The following PTPRN2 variants were observed in gnomAD, a reference collection of about 807,000 sequenced individuals.
PTPRN2 encodes the protein protein tyrosine phosphatase receptor type N2.
Under a neutral mutation model 118.8 loss-of-function variants are expected in PTPRN2, and 74 were observed. That is an observed-to-expected ratio of 0.62 (90% CI 0.52 to 0.76). The LOEUF is 0.76. Ranked by LOEUF, PTPRN2 falls within the 30% of genes least tolerant of loss-of-function variation. The pLI, the probability that PTPRN2 is intolerant of heterozygous loss-of-function variation, is 0.00. For missense variants in PTPRN2, 1,481 were observed against 1,394.4 expected, an observed-to-expected ratio of 1.06 and a Z score of -0.99; for synonymous variants, 641 against 608.0, an observed-to-expected ratio of 1.05 and a Z score of -0.80.
chr7:158,104,600 C>G (rs959156895), intron 10 of PTPRN2, among the ~76,000 whole-genome samples: 2 of 152,078 alleles, frequency 1.3e-5, no homozygotes, highest in Non-Finnish European at 2.9e-5. Context: ...TGAGGAAGAG[C>G]CAACAACCAC....
chr7:158,564,689 C>G (rs1010767094), intron 1 of PTPRN2, among the ~76,000 whole-genome samples: 1 of 152,376 alleles, frequency 6.6e-6, no homozygotes, highest in South Asian at 2.1e-4. Context: ...CATCTAGACC[C>G]TTTCCCTCAG....
intron 4 of PTPRN2, among the ~76,000 whole-genome samples, chr7:158,196,299 C>T (rs935126020): frequency 6.6e-6 from 1 of 152,142 alleles, no homozygotes; most frequent in African/African-American, 2.4e-5. Flanking sequence ...CCTTGGTTTC[C>T]CCAGACCTTC....
At chr7:157,857,098 A>G (rs1294883758) in intron 12 of PTPRN2, among the ~76,000 whole-genome samples, 1 of 143,230 alleles carries the variant, frequency 7.0e-6, no homozygotes, top group East Asian at 2.3e-4. Context: ...GGGCATGGCC[A>G]TCGGCATTGC....
chr7:157,837,334 C>A (rs1377537001), intron 12 of PTPRN2, among the ~76,000 whole-genome samples: 3 of 148,858 alleles, frequency 2.0e-5, no homozygotes, highest in East Asian at 2.0e-4. Flanking sequence ...CATCTACCCA[C>A]CCACCCAGAG....
At chr7:158,287,067 T>TG (rs36111941) in intron 3 of PTPRN2, among the ~76,000 whole-genome samples, 42,350 of 151,974 alleles carry the variant, frequency 0.28, 6,121 homozygotes, top group East Asian at 0.41. Flanking sequence ...TCCATAATTT[T>TG]TCTTGGTAGG....
chr7:158,303,440 A>T (rs1586179362), intron 3 of PTPRN2, among the ~76,000 whole-genome samples: 1 of 152,192 alleles, frequency 6.6e-6, no homozygotes, highest in Non-Finnish European at 1.5e-5. Context: ...TACTGTTAAA[A>T]TTTTACTGCT....
At chr7:157,626,138 T>C (rs1803556055) in intron 14 of PTPRN2, among the ~76,000 whole-genome samples, 1 of 152,242 alleles carries the variant, frequency 6.6e-6, no homozygotes, top group Non-Finnish European at 1.5e-5. Flanking sequence ...AGCCTGAGCC[T>C]GGCCTCTGAA....
intron 11 of PTPRN2, among the ~76,000 whole-genome samples, chr7:157,995,540 G>C (rs1804661860): frequency 6.6e-6 from 1 of 152,244 alleles, no homozygotes; most frequent in Non-Finnish European, 1.5e-5. Flanking sequence ...CACACCCCAA[G>C]GTTTGTTGCC....
In PTPRN2 at chr7:158,074,101, T is replaced by C. The variant is rs189608062; in HGVS notation, c.1723+7197A>G. Among the ~76,000 whole-genome samples, 108 of 152,252 alleles carry C rather than the reference T, an allele frequency of 7.1e-4. 1 individual carries two copies. The East Asian group carries it at 0.013, about 19-fold the overall frequency. ...CTGGGGCAGTGAAGACAGAAACCCA[T>C]GTGCAGGGAAGAGTAATACTTGGGA... On this transcript the variant is annotated intron_variant, in intron 11 of 22. Coordinates refer to ENST00000389418, the MANE Select transcript of PTPRN2 (RefSeq NM_002847.5).
intron 16 of PTPRN2, among the ~76,000 whole-genome samples, chr7:157,602,231 C>G (rs143377744): frequency 6.6e-6 from 1 of 152,346 alleles, no homozygotes; most frequent in East Asian, 1.9e-4. Context: ...CAGTTCTTCA[C>G]TTTGAATTCA....
At chr7:158,236,010 G>A (rs535843580) in intron 3 of PTPRN2, among the ~76,000 whole-genome samples, 9 of 152,270 alleles carry the variant, frequency 5.9e-5, no homozygotes, top group South Asian at 4.2e-4. Context: ...CGGAGACGTC[G>A]TGGGGGAAAC....
intron 11 of PTPRN2, among the ~76,000 whole-genome samples, chr7:158,047,853 C>T (rs1808999532): frequency 6.6e-6 from 1 of 152,194 alleles, no homozygotes; most frequent in Admixed American, 6.5e-5. Flanking sequence ...AAGCCGGGAG[C>T]TCTCAAGTGA....
intron 8 of PTPRN2, 145 bp downstream of exon 8, chr7:158,136,510 T>C (rs1585568520): frequency 2.9e-6 from 2 of 683,900 alleles, no homozygotes; most frequent in East Asian, 5.4e-5. Context: ...TTTATACTGT[T>C]TTTCAATTTG....
At chr7:158,512,574 A>G (rs1210208664) in intron 1 of PTPRN2, among the ~76,000 whole-genome samples, 1 of 152,126 alleles carries the variant, frequency 6.6e-6, no homozygotes, top group African/African-American at 2.4e-5. Context: ...ACACACACAC[A>G]CACATCTTCT....
chr7:158,532,857 G>A, intron 1 of PTPRN2: 1 of 528,696 alleles, frequency 1.9e-6, no homozygotes, highest in Non-Finnish European at 3.9e-6. Context: ...GGCCCGTGCT[G>A]CACTCTGACG....
intron 22 of PTPRN2, among the ~76,000 whole-genome samples, chr7:157,547,575 C>T (rs1285428915): frequency 2.0e-5 from 3 of 152,102 alleles, no homozygotes; most frequent in African/African-American, 7.2e-5. Flanking sequence ...TCTCGACAGC[C>T]TCGCAACACA....
At chr7:158,191,416 A>C (rs1018602943) in intron 5 of PTPRN2, among the ~76,000 whole-genome samples, 1 of 152,058 alleles carries the variant, frequency 6.6e-6, no homozygotes, top group Non-Finnish European at 1.5e-5. Flanking sequence ...GAGCGTCGCC[A>C]TCAAACCCCC....
At chr7:158,150,412 A>T (rs1347723213) in intron 6 of PTPRN2, among the ~76,000 whole-genome samples, 1 of 152,170 alleles carries the variant, frequency 6.6e-6, no homozygotes, top group East Asian at 1.9e-4. Flanking sequence ...GTCCACCCTC[A>T]GCAGCTCGAA....
chr7:158,384,759 G>A (rs1023043746), intron 2 of PTPRN2, among the ~76,000 whole-genome samples: 11 of 152,244 alleles, frequency 7.2e-5, no homozygotes, highest in Admixed American at 1.3e-4. Flanking sequence ...GATTACATTT[G>A]ACCCTTAAAC....
Sources: gnomAD v4.1 joint callset for allele counts (sites outside exome capture counted in the v4.1 genomes callset) on GRCh38, gnomAD v4.1.1 for gene constraint, MANE v1.5 for transcripts, NCBI Gene and HGNC (gene_info 2026-07-23, HGNC 2026-07-21) for gene names.